The following SP4 variants were observed in gnomAD, a reference collection of about 807,000 sequenced individuals.
SP4 encodes the protein transcription factor Sp4.
SP4 carries 19 observed loss-of-function variants against 72.8 expected under a neutral mutation model. That is an observed-to-expected ratio of 0.26 (90% CI 0.18 to 0.38). The LOEUF (loss-of-function observed/expected upper bound fraction) is 0.38, where lower values mean the gene tolerates loss of function less well. Ranked by LOEUF, SP4 falls within the 10% of genes least tolerant of loss-of-function variation. SP4 has a pLI of 1.00. For missense variants in SP4, 1,008 were observed against 926.3 expected, an observed-to-expected ratio of 1.09 and a Z score of -1.14; for synonymous variants, 395 against 333.1, an observed-to-expected ratio of 1.19 and a Z score of -2.02.
intron 3 of SP4, among the ~76,000 whole-genome samples, chr7:21,461,479 G>C (rs1783980510): frequency 6.6e-6 from 1 of 152,344 alleles, no homozygotes; most frequent in African/African-American, 2.4e-5. Context: ...GCTGACCCAG[G>C]TGTTAAGCCC....
chr7:21,504,795 G>C (rs1781953414), intron 5 of SP4, among the ~76,000 whole-genome samples: 1 of 152,150 alleles, frequency 6.6e-6, no homozygotes, highest in Non-Finnish European at 1.5e-5. Context: ...CTTACTATTA[G>C]GGCCCCAACA....
In SP4 at chr7:21,428,972, G is replaced by A; in HGVS notation, c.123+180G>A. 5.0e-6 allele frequency: 3 copies of A among 605,114 alleles called. No individual in the cohort carries two copies. In the South Asian group the frequency reaches 6.9e-5, roughly 14 times the overall value. 37.5% of individuals were successfully genotyped at this position (605,114 alleles called of 1,614,324 possible). A position where few individuals can be genotyped will look rare whatever the true frequency, so the allele number is the denominator to read the frequency against. On this transcript the variant is annotated intron_variant, in intron 2 of 5. Coordinates refer to ENST00000222584, the MANE Select transcript of SP4 (RefSeq NM_003112.5). ...TTCACCTCTTTGAGGGTATAACGCT[G>A]TTTAAAATTACATCAGGAATTCAGA...
At chr7:21,491,227 AAG>A (rs1414633505) in intron 5 of SP4, among the ~76,000 whole-genome samples, 1 of 152,246 alleles carries the variant, frequency 6.6e-6, no homozygotes. Flanking sequence ...AACTATAAAA[AAG>A]AACTAAATAG....
intron 5 of SP4, among the ~76,000 whole-genome samples, chr7:21,504,356 A>G (rs911474855): frequency 6.6e-6 from 1 of 152,210 alleles, no homozygotes; most frequent in Non-Finnish European, 1.5e-5. Context: ...ATCAGTATAT[A>G]TAGTGCCTTC....
chr7:21,452,586 C>G (rs976576555), intron 3 of SP4, among the ~76,000 whole-genome samples: 1 of 152,106 alleles, frequency 6.6e-6, no homozygotes, highest in Admixed American at 6.5e-5. Flanking sequence ...GAAAGCATGC[C>G]ATTCCAGTCA....
intron 5 of SP4, among the ~76,000 whole-genome samples, chr7:21,509,342 G>A (rs1425776427): frequency 6.6e-6 from 1 of 151,734 alleles, no homozygotes; most frequent in African/African-American, 2.4e-5. Context: ...TAACTTTATG[G>A]AATCTTAAGT....
chr7:21,470,988 A>T lies in SP4; in HGVS notation c.1679-6091A>T, dbSNP rs1378252253. 3 of 508,550 alleles carry T rather than the reference A, an allele frequency of 5.9e-6. No homozygotes were observed. In the African/African-American group the frequency reaches 5.9e-5, roughly 10 times the overall value. The allele number at this position is 508,550 out of a possible 1,614,324, so 31.5% of individuals were successfully genotyped here. A position where few individuals can be genotyped will look rare whatever the true frequency, so the allele number is the denominator to read the frequency against. On this transcript the variant is annotated intron_variant, in intron 3 of 5. Coordinates refer to ENST00000222584, the MANE Select transcript of SP4 (RefSeq NM_003112.5). ...AGGATTAAAGACTAAAATCTGTAAG[A>T]TGAATAGACTTTTGTCAGACCAAGG...
At chr7:21,496,368 A>C (rs1290040076) in intron 5 of SP4, among the ~76,000 whole-genome samples, 1 of 152,256 alleles carries the variant, frequency 6.6e-6, no homozygotes, top group Non-Finnish European at 1.5e-5. Flanking sequence ...GTTTTCTGTT[A>C]AGCCTCATGT....
intron 3 of SP4, among the ~76,000 whole-genome samples, chr7:21,438,904 T>G (rs1348401780): frequency 6.6e-6 from 1 of 152,224 alleles, no homozygotes; most frequent in African/African-American, 2.4e-5. Context: ...GGCCTGAAAG[T>G]GCAAAAGTAG....
chr7:21,506,187 T>G (rs1356832123), intron 5 of SP4, among the ~76,000 whole-genome samples: 1 of 152,166 alleles, frequency 6.6e-6, no homozygotes, highest in Non-Finnish European at 1.5e-5. Flanking sequence ...CTTTTACCCC[T>G]GATACTTTCA....
chr7:21,481,110 T>G (rs570696715), intron 4 of SP4, among the ~76,000 whole-genome samples: 92 of 152,192 alleles, frequency 6.0e-4, no homozygotes, highest in Non-Finnish European at 1.1e-3. Context: ...AAGGGCAACC[T>G]GGACCCCAGT....
At chr7:21,496,181 G>A (rs747449443) in intron 5 of SP4, among the ~76,000 whole-genome samples, 63 of 152,046 alleles carry the variant, frequency 4.1e-4, no homozygotes, top group Non-Finnish European at 8.5e-4. Flanking sequence ...TTTTGGTGGC[G>A]ATTATGTGAC....
intron 3 of SP4, among the ~76,000 whole-genome samples, chr7:21,474,434 C>G (rs1376137300): frequency 2.6e-5 from 4 of 152,186 alleles, no homozygotes; most frequent in Non-Finnish European, 5.9e-5. Context: ...ACTCTCATTT[C>G]TAGAAATGCA....
rs1418396437 is a variant in SP4, at chr7:21,511,881, G to A, written c.*612G>A. 1 of 152,742 alleles carries A rather than the reference G, an allele frequency of 6.5e-6. No homozygotes were observed. The highest frequency in any genetic ancestry group is 1.5e-5 in the Non-Finnish European group (1 of 68,152). The allele number at this position is 152,742 out of a possible 1,614,324, so 9.5% of individuals were successfully genotyped here. A position where few individuals can be genotyped will look rare whatever the true frequency, so the allele number is the denominator to read the frequency against. ...TTTATTACCACTACATTATAGTAGT[G>A]TGTATGCAGACAATCAGTGAAGTCC... On this transcript the variant is annotated 3_prime_UTR_variant, in exon 6 of 6. Transcript: ENST00000222584.
intron 3 of SP4, among the ~76,000 whole-genome samples, chr7:21,440,889 GC>G (rs1562588359): frequency 1.5e-4 from 2 of 13,506 alleles, no homozygotes; most frequent in African/African-American, 2.8e-3. Context: ...AACAACAACA[GC>G]AGCAAACAGG....
chr7:21,477,251 C>G lies in SP4; in HGVS notation c.1851C>G (p.Gly617=), dbSNP rs374200725. 90 of 1,613,982 alleles carry G rather than the reference C, an allele frequency of 5.6e-5. No individual in the cohort carries two copies. Among genetic ancestry groups the G allele is most frequent in the Non-Finnish European group, 7.5e-5 (89 of 1,179,996 alleles). Residue 617 remains glycine, a synonymous_variant, in exon 4 of 6, where the codon GGC becomes GGG. Coordinates refer to ENST00000222584, the MANE Select transcript of SP4 (RefSeq NM_003112.5). ...QQTSDQEVQP[G]KRLRRVACSC... ...CTTCTGATCAAGAGGTACAACCTGG[C>G]AAGAGGCTTCGAAGAGTTGCCTGTT...
chr7:21,440,537 G>T (rs932378536), intron 3 of SP4, among the ~76,000 whole-genome samples: 3 of 152,054 alleles, frequency 2.0e-5, no homozygotes, highest in Admixed American at 2.0e-4. Context: ...TATGGAGAGA[G>T]GTGTATTAAC....
intron 3 of SP4, among the ~76,000 whole-genome samples, chr7:21,473,186 A>T (rs1784400854): frequency 6.6e-6 from 1 of 152,188 alleles, no homozygotes; most frequent in South Asian, 2.1e-4. Flanking sequence ...GATCAAGATG[A>T]TAATCTTGCT....
chr7:21,501,230 T>C (rs554140836), intron 5 of SP4, among the ~76,000 whole-genome samples: 1 of 152,328 alleles, frequency 6.6e-6, no homozygotes, highest in East Asian at 1.9e-4. Flanking sequence ...TTGCTCATTG[T>C]GACCTTCTAG....
Sources: allele counts gnomAD v4.1 joint callset (sites outside exome capture counted in the v4.1 genomes callset), GRCh38; gene constraint gnomAD v4.1.1; transcripts MANE v1.5; gene names NCBI Gene and HGNC (gene_info 2026-07-23, HGNC 2026-07-21).